Variants in THRAP3 observed in about 807,000 individuals in gnomAD.
THRAP3 encodes the protein thyroid hormone receptor-associated protein 3.
THRAP3 carries 16 observed loss-of-function variants against 101.0 expected under a neutral mutation model. The observed-to-expected ratio is 0.16, with a 90% CI of 0.11 to 0.24. The LOEUF (loss-of-function observed/expected upper bound fraction) is 0.24. Ranked by LOEUF, THRAP3 falls within the 10% of genes least tolerant of loss-of-function variation. The pLI, the probability that THRAP3 is intolerant of heterozygous loss-of-function variation, is 1.00. For missense variants in THRAP3, 989 were observed against 1,202.7 expected, an observed-to-expected ratio of 0.82 and a Z score of 2.63; for synonymous variants, 407 against 422.6, an observed-to-expected ratio of 0.96 and a Z score of 0.45.
chr1:36,301,955 A>G (rs1389321961), intron 11 of THRAP3, among the ~76,000 whole-genome samples: 1 of 152,200 alleles, frequency 6.6e-6, no homozygotes, highest in Non-Finnish European at 1.5e-5. Context: ...TTTTTAGTCT[A>G]TGAACTTGTT....
Position 36,301,021 on chromosome 1 carries a change from A to G in THRAP3, c.2439A>G (p.Arg813=). The G allele has an allele frequency of 1.9e-6, 3 of 1,614,202 alleles. No individual in the cohort carries two copies. The highest frequency in any genetic ancestry group is 2.5e-6 in the Non-Finnish European group (3 of 1,180,024). Residue 813 remains arginine, a synonymous_variant, in exon 10 of 12, where the codon AGA becomes AGG. Coordinates refer to ENST00000354618, the MANE Select transcript of THRAP3 (RefSeq NM_005119.4). Reference sequence around the variant, plus strand: ...GCACCACGGGCTTTGACAAATCAAGACTGGGGACCAAAGACTTTGTGGGTC... The same window carrying G: ...GCACCACGGGCTTTGACAAATCAAGGCTGGGGACCAAAGACTTTGTGGGTC... ...EESTTGFDKS[R]LGTKDFVGPS...
rs1165941817 is a variant in THRAP3 at position 36,291,399 on chromosome 1, C to T, written c.1771C>T (p.Arg591Cys). The T allele has an allele frequency of 1.9e-6, 3 of 1,613,960 alleles. No homozygotes were observed. The highest frequency in any genetic ancestry group is 1.7e-5 in the Admixed American group (1 of 59,990). ...ARPSGLLAQE[R>C]KLCRDLVHSN... The stretch of plus-strand genomic sequence containing the variant: ...ACCCAGTGGCTTATTGGCTCAGGAA[C>T]GCAAGCTTTGCCGAGATCTAGTCCA... The change falls in exon 6 of 12, where the codon CGC (arginine) becomes TGC (cysteine). Residue 591 changes from arginine to cysteine, a missense_variant. Transcript: ENST00000354618.
chr1:36,245,105 T>C (rs1372541406), intron 1 of THRAP3, among the ~76,000 whole-genome samples: 4 of 152,038 alleles, frequency 2.6e-5, no homozygotes. Flanking sequence ...TGTACCACTC[T>C]GGTGGTGCTG....
intron 1 of THRAP3, among the ~76,000 whole-genome samples, chr1:36,258,883 G>A (rs1446264685): frequency 4.6e-5 from 7 of 152,156 alleles, no homozygotes; most frequent in Non-Finnish European, 1.0e-4. Context: ...TTTGGAAAAC[G>A]CTGGACATAG....
chr1:36,259,130 A>G (rs1645412199), intron 1 of THRAP3, among the ~76,000 whole-genome samples: 1 of 152,200 alleles, frequency 6.6e-6, no homozygotes, highest in Admixed American at 6.6e-5. Context: ...AAACCTTAGC[A>G]CCTGAAATAT....
At chr1:36,219,032 C>CAAAAAAAAAAAAAA in the THRAP3 span, among the ~76,000 whole-genome samples, 1 of 64,714 alleles carries the variant, frequency 1.5e-5, no homozygotes, top group Non-Finnish European at 3.6e-5. Context: ...GGCTCCATCT[C>CAAAAAAAAAAAAAA]AAAAAAAAAA....
At chr1:36,254,683 A>G (rs1450322647) in intron 1 of THRAP3, among the ~76,000 whole-genome samples, 1 of 152,160 alleles carries the variant, frequency 6.6e-6, no homozygotes, top group Non-Finnish European at 1.5e-5. Context: ...AAAATTGTTT[A>G]TGGGTGTGTA....
rs188875251 is a variant in THRAP3, at chr1:36,301,611, A to G, written c.2561A>G (p.Asn854Ser). The change falls in exon 11 of 12, where the codon AAC becomes AGC. Residue 854 changes from asparagine (N) to serine (S), a missense_variant. Coordinates refer to ENST00000354618, the MANE Select transcript of THRAP3 (RefSeq NM_005119.4). ...GRGNYSGNNN[N>S]NSNNDFQKRN... is the part of the protein sequence containing the mutation. ...GGCAACTACTCTGGGAACAATAACA[A>G]CAACAGCAACAACGATTTTCAAAAA... The G allele has an allele frequency of 3.8e-5, 62 of 1,614,218 alleles. No individual in the cohort carries two copies. In the East Asian group the frequency reaches 1.3e-3, roughly 33 times the overall value.
At chr1:36,282,738 GC>G (rs1645749787) in intron 3 of THRAP3, 38 bp downstream of exon 3, 3 of 1,610,074 alleles carry the variant, frequency 1.9e-6, no homozygotes, top group Middle Eastern at 3.3e-4. Context: ...GATAATCATT[GC>G]ATCAGTCGAT....
intron 9 of THRAP3, 124 bp from the exon 10 acceptor site, chr1:36,300,762 A>G: frequency 1.1e-6 from 1 of 907,310 alleles, no homozygotes; most frequent in South Asian, 1.6e-5. Context: ...TTATAAGGTT[A>G]CTCATCATCA....
chr1:36,288,890 C>T (rs762505407), intron 4 of THRAP3, 170 bp from the exon 5 acceptor site: 32 of 985,172 alleles, frequency 3.2e-5, no homozygotes, highest in South Asian at 4.7e-5. Context: ...CTGTGAATGG[C>T]AGTTTTCAGA....
intron 1 of THRAP3, among the ~76,000 whole-genome samples, chr1:36,241,098 T>C (rs2124400219): frequency 6.6e-6 from 1 of 150,974 alleles, no homozygotes; most frequent in Admixed American, 6.6e-5. Context: ...TCCCAGCTAC[T>C]TGGGAGGCTG....
chr1:36,237,128 C>T (rs1245889483), intron 1 of THRAP3, among the ~76,000 whole-genome samples: 2 of 151,146 alleles, frequency 1.3e-5, no homozygotes, highest in Non-Finnish European at 2.9e-5. Flanking sequence ...TGCCATTGCA[C>T]TCCAGCTTGG....
At chr1:36,236,531 A>G (rs116717434) in intron 1 of THRAP3, among the ~76,000 whole-genome samples, 3,682 of 150,648 alleles carry the variant, frequency 0.024, 152 homozygotes, top group African/African-American at 0.084. Context: ...CCTGAGCTTA[A>G]CTGATCCTCC....
chr1:36,214,535 T>A, the THRAP3 span, among the ~76,000 whole-genome samples: 68 of 152,272 alleles, frequency 4.5e-4, no homozygotes, highest in African/African-American at 1.6e-3. Context: ...CCTAATCCGT[T>A]CTCACACTGT....
At chr1:36,260,409 T>C (rs1281305127) in intron 2 of THRAP3, among the ~76,000 whole-genome samples, 1 of 152,188 alleles carries the variant, frequency 6.6e-6, no homozygotes, top group Admixed American at 6.5e-5. Context: ...CCTTTTGGTA[T>C]ATCTCTCTAA....
chr1:36,209,659 T>A, the THRAP3 span, among the ~76,000 whole-genome samples: 1 of 152,142 alleles, frequency 6.6e-6, no homozygotes, highest in Non-Finnish European at 1.5e-5. Context: ...ATCAGTGAGG[T>A]CCAGGCTCTT....
chr1:36,241,081 C>A (rs1438938355), intron 1 of THRAP3, among the ~76,000 whole-genome samples: 1 of 151,524 alleles, frequency 6.6e-6, no homozygotes, highest in Admixed American at 6.6e-5. Context: ...GTGGCAGGTG[C>A]CTGTAGTCCC....
chr1:36,281,796 C>G (rs1033823852), intron 2 of THRAP3, among the ~76,000 whole-genome samples: 1 of 151,984 alleles, frequency 6.6e-6, no homozygotes, highest in East Asian at 1.9e-4. Flanking sequence ...GTAGGCCAGG[C>G]ACGGTGGCTC....
Sources: gnomAD v4.1 joint callset for allele counts (sites outside exome capture counted in the v4.1 genomes callset) on GRCh38, gnomAD v4.1.1 for gene constraint, MANE v1.5 for transcripts, NCBI Gene and HGNC (gene_info 2026-07-23, HGNC 2026-07-21) for gene names.